The following WWOX variants were observed in gnomAD, a reference collection of about 807,000 sequenced individuals.
WWOX encodes the protein WW domain containing oxidoreductase.
In WWOX, 69 loss-of-function variants were observed where a neutral mutation model predicts 46.2. The ratio of observed to expected loss-of-function variants is 1.49; its 90% confidence interval spans 1.23 to 1.82. The LOEUF is 1.82. Among genes scored for constraint, WWOX ranks in the 40% most tolerant of loss-of-function variants. The pLI, the probability that WWOX is intolerant of heterozygous loss-of-function variation, is 0.00. For synonymous variants in WWOX, 359 were observed against 202.6 expected (o/e 1.77, Z -6.56); for missense variants, 919 against 542.6 (o/e 1.69, Z -6.89).
intron 8 of WWOX, among the ~76,000 whole-genome samples, chr16:78,501,546 T>C (rs1439523363): frequency 6.6e-6 from 1 of 151,824 alleles, no homozygotes; most frequent in Admixed American, 6.6e-5. Flanking sequence ...TTCTTTCTTT[T>C]TTTTTTTTGA....
At chr16:78,918,943 G>A (rs1338093179) in intron 8 of WWOX, among the ~76,000 whole-genome samples, 1 of 152,136 alleles carries the variant, frequency 6.6e-6, no homozygotes, top group Non-Finnish European at 1.5e-5. Context: ...CTTGTGGTAA[G>A]AAGAGTACCT....
chr16:78,402,161 G>A (rs1043354049), intron 6 of WWOX, among the ~76,000 whole-genome samples: 2 of 152,148 alleles, frequency 1.3e-5, no homozygotes, highest in Admixed American at 1.3e-4. Flanking sequence ...CAGTCCCAAG[G>A]CAATCAGCAG....
At chr16:79,164,716 C>A (rs74038917) in intron 8 of WWOX, among the ~76,000 whole-genome samples, 7,291 of 152,126 alleles carry the variant, frequency 0.048, 301 homozygotes, top group East Asian at 0.14. Context: ...GGAGTGTCAG[C>A]GATAATTTAT....
At chr16:78,443,874 C>T (rs1160000710) in intron 8 of WWOX, among the ~76,000 whole-genome samples, 1 of 152,006 alleles carries the variant, frequency 6.6e-6, no homozygotes, top group Non-Finnish European at 1.5e-5. Context: ...TACTTATTTC[C>T]AGTGATTTTT....
chr16:78,421,943 A>G (rs778455102), intron 6 of WWOX, among the ~76,000 whole-genome samples: 10 of 152,234 alleles, frequency 6.6e-5, no homozygotes, highest in Admixed American at 1.3e-4. Context: ...CTTAATATCC[A>G]GGGTGCAGGA....
At chr16:78,418,616 T>G (rs1338160630) in intron 6 of WWOX, among the ~76,000 whole-genome samples, 1 of 152,178 alleles carries the variant, frequency 6.6e-6, no homozygotes, top group Admixed American at 6.5e-5. Flanking sequence ...TATGACTAAG[T>G]GGAATTTATC....
chr16:78,547,845 T>C (rs72803944), intron 8 of WWOX, among the ~76,000 whole-genome samples: 16,808 of 151,976 alleles, frequency 0.11, 1,160 homozygotes, highest in South Asian at 0.25. Context: ...TAATATATTA[T>C]ATTGGTGATT....
intron 8 of WWOX, among the ~76,000 whole-genome samples, chr16:79,014,491 G>A (rs1218114476): frequency 6.6e-6 from 1 of 152,126 alleles, no homozygotes; most frequent in Non-Finnish European, 1.5e-5. Flanking sequence ...ATTCAGTTCA[G>A]GGAAATCCAG....
At chr16:78,361,971 C>CTTTT (rs56026502) in intron 5 of WWOX, among the ~76,000 whole-genome samples, 73,218 of 138,014 alleles carry the variant, frequency 0.53, 20,788 homozygotes, top group Middle Eastern at 0.67. Context: ...CAGGTATTTC[C>CTTTT]TTTTTTTTTT....
At chr16:78,994,969 C>CTTTTTTTTT (rs869088414) in intron 8 of WWOX, among the ~76,000 whole-genome samples, 132 of 114,620 alleles carry the variant, frequency 1.2e-3, no homozygotes, top group South Asian at 1.5e-3. Context: ...TCTTCTTCTT[C>CTTTTTTTTT]TTTTTTTTTT....
At chr16:79,073,001 G>C (rs981043727) in intron 8 of WWOX, among the ~76,000 whole-genome samples, 8 of 152,040 alleles carry the variant, frequency 5.3e-5, no homozygotes, top group Non-Finnish European at 1.2e-4. Flanking sequence ...GTGCTTCCAT[G>C]TGGCTGTTCA....
Position 78,099,829 on chromosome 16 carries a change from G to T in WWOX, c.51G>T (p.Glu17Asp), listed in dbSNP as rs991773402. The change falls in exon 1 of 9, where the codon GAG (glutamate) becomes GAT (aspartate). Residue 17 changes from glutamate to aspartate, a missense_variant. Transcript: ENST00000566780. ...TGGACGACACGGACAGTGAGGACGA[G>T]CTGCCTCCGGGCTGGGAGGAGAGAA... ...AGLDDTDSED[E>D]LPPGWEERTT... 6.3e-7 allele frequency: 1 copy of T among 1,581,794 alleles called. No homozygotes were observed. Among genetic ancestry groups the T allele is most frequent in the Admixed American group, 1.8e-5 (1 of 55,274 alleles).
chr16:78,331,885 C>G (rs189309371), intron 5 of WWOX, among the ~76,000 whole-genome samples: 44 of 152,242 alleles, frequency 2.9e-4, no homozygotes, highest in African/African-American at 1.1e-3. Flanking sequence ...TTTACAGACA[C>G]AGAAACTAAG....
chr16:78,382,693 C>G (rs1037686198), intron 5 of WWOX, among the ~76,000 whole-genome samples: 4 of 152,138 alleles, frequency 2.6e-5, no homozygotes, highest in African/African-American at 9.7e-5. Flanking sequence ...TCTAACACTT[C>G]TTAATGAAAG....
At chr16:79,047,624 A>G (rs1479461592) in intron 8 of WWOX, among the ~76,000 whole-genome samples, 1 of 144,012 alleles carries the variant, frequency 6.9e-6, no homozygotes, top group African/African-American at 2.6e-5. Context: ...CGATTCCCTT[A>G]CAGTTCTGGA....
chr16:78,875,939 T>C (rs977603259), intron 8 of WWOX, among the ~76,000 whole-genome samples: 1 of 152,346 alleles, frequency 6.6e-6, no homozygotes, highest in Middle Eastern at 3.4e-3. Context: ...TACCTGGGAA[T>C]AATCACCCTC....
At chr16:78,787,372 C>T (rs1013723640) in intron 8 of WWOX, among the ~76,000 whole-genome samples, 3 of 152,150 alleles carry the variant, frequency 2.0e-5, no homozygotes, top group African/African-American at 7.2e-5. Flanking sequence ...CTTTGTGTCT[C>T]TATAGATTTG....
chr16:78,596,975 G>A (rs2045506128), intron 8 of WWOX, among the ~76,000 whole-genome samples: 1 of 152,138 alleles, frequency 6.6e-6, no homozygotes, highest in Non-Finnish European at 1.5e-5. Flanking sequence ...TAGCTATGCA[G>A]ATGCAGTTTA....
chr16:79,001,149 G>A (rs1304364327), intron 8 of WWOX, among the ~76,000 whole-genome samples: 2 of 152,224 alleles, frequency 1.3e-5, no homozygotes, highest in African/African-American at 4.8e-5. Flanking sequence ...TCAGGGAGCT[G>A]CGATTTAATT....
Sources: allele counts gnomAD v4.1 joint callset (sites outside exome capture counted in the v4.1 genomes callset), GRCh38; gene constraint gnomAD v4.1.1; transcripts MANE v1.5; gene names NCBI Gene and HGNC (gene_info 2026-07-23, HGNC 2026-07-21).